The following MACROD2 variants were observed in gnomAD, a reference collection of about 807,000 sequenced individuals.
The protein encoded by MACROD2 is ADP-ribose glycohydrolase MACROD2.
MACROD2 carries 36 observed loss-of-function variants against 70.4 expected under a neutral mutation model. The ratio of observed to expected loss-of-function variants is 0.51; its 90% CI spans 0.39 to 0.68. MACROD2 has a LOEUF of 0.68. Among genes scored for constraint, MACROD2 ranks in the 30% least tolerant of loss-of-function variants. The pLI is 0.00. For synonymous variants in MACROD2, 172 were observed against 178.8 expected (o/e 0.96, Z 0.30); for missense variants, 496 against 538.4 (o/e 0.92, Z 0.78).
chr20:15,335,411 A>G (rs1048861236), intron 6 of MACROD2, among the ~76,000 whole-genome samples: 1 of 151,520 alleles, frequency 6.6e-6, no homozygotes, highest in Non-Finnish European at 1.5e-5. Context: ...TGTTGTAGAA[A>G]GTCTTATTTT....
chr20:15,898,374 A>AC (rs2065006586), intron 10 of MACROD2, among the ~76,000 whole-genome samples: 1 of 151,662 alleles, frequency 6.6e-6, no homozygotes, highest in African/African-American at 2.4e-5. Flanking sequence ...ACATGGTGAA[A>AC]CCCCCGTCTC....
At chr20:16,047,326 A>G (rs547541220) in intron 17 of MACROD2, among the ~76,000 whole-genome samples, 1 of 152,324 alleles carries the variant, frequency 6.6e-6, no homozygotes, top group South Asian at 2.1e-4. Flanking sequence ...GGCGTTGTAT[A>G]ATTTGTAATT....
intron 3 of MACROD2, among the ~76,000 whole-genome samples, chr20:14,363,374 G>A (rs982495346): frequency 6.6e-6 from 1 of 152,092 alleles, no homozygotes; most frequent in African/African-American, 2.4e-5. Context: ...GGTGATATAT[G>A]AACAAAGGCA....
At chr20:15,712,118 G>A (rs2050637616) in intron 8 of MACROD2, among the ~76,000 whole-genome samples, 1 of 152,168 alleles carries the variant, frequency 6.6e-6, no homozygotes, top group Non-Finnish European at 1.5e-5. Flanking sequence ...TGATCCAGCA[G>A]CCAAAATGTT....
intron 8 of MACROD2, among the ~76,000 whole-genome samples, chr20:15,614,718 A>G (rs2049014526): frequency 6.6e-6 from 1 of 152,222 alleles, no homozygotes; most frequent in Non-Finnish European, 1.5e-5. Context: ...AAAGAATTGC[A>G]AAGCTCGAGG....
At chr20:15,373,119 A>G (rs1476491315) in intron 6 of MACROD2, among the ~76,000 whole-genome samples, 1 of 152,122 alleles carries the variant, frequency 6.6e-6, no homozygotes, top group Non-Finnish European at 1.5e-5. Context: ...CCTTCTTTTA[A>G]AAAGGTTAAA....
chr20:13,996,909 C>T (rs1158569590), intron 1 of MACROD2, among the ~76,000 whole-genome samples: 1 of 152,194 alleles, frequency 6.6e-6, no homozygotes, highest in Non-Finnish European at 1.5e-5. Flanking sequence ...GACTAGGTAT[C>T]AAGTTGATTT....
In MACROD2 at chr20:14,836,448, C is replaced by G. The variant is rs898068193; in HGVS notation, c.418+151489C>G. ...GGGAATGGACCTGCTGGTTGTACTTCAAAAGAAGCAAAGGCAAAGGGGTCC... is the reference window on the plus strand; with the variant it reads ...GGGAATGGACCTGCTGGTTGTACTTGAAAAGAAGCAAAGGCAAAGGGGTCC... On this transcript the variant is annotated intron_variant, in intron 5 of 17. Transcript: ENST00000684519. Among the ~76,000 whole-genome samples the G allele has an allele frequency of 2.6e-5, 4 of 151,936 alleles. 1 individual carries two copies. Among genetic ancestry groups the G allele is most frequent in the Non-Finnish European group, 2.9e-5 (2 of 67,978 alleles).
intron 6 of MACROD2, among the ~76,000 whole-genome samples, chr20:15,238,414 A>G (rs1178113604): frequency 6.6e-6 from 1 of 152,092 alleles, no homozygotes; most frequent in African/African-American, 2.4e-5. Flanking sequence ...CCTTTGATTC[A>G]TCATGCAAAT....
chr20:15,884,038 A>G (rs190698325), intron 9 of MACROD2, among the ~76,000 whole-genome samples: 21 of 152,210 alleles, frequency 1.4e-4, no homozygotes, highest in Admixed American at 4.6e-4. Context: ...AGCTCTATGT[A>G]GTAGGCATTA....
chr20:14,665,245 T>G (rs932940346), intron 4 of MACROD2, among the ~76,000 whole-genome samples: 4 of 152,052 alleles, frequency 2.6e-5, no homozygotes, highest in African/African-American at 7.2e-5. Context: ...ATAGAGTAAC[T>G]TATTGAATGG....
chr20:14,649,713 A>T (rs1568719509), intron 4 of MACROD2, among the ~76,000 whole-genome samples: 1 of 152,174 alleles, frequency 6.6e-6, no homozygotes, highest in Admixed American at 6.5e-5. Flanking sequence ...ATATTCAGCT[A>T]TATCTCTGTA....
At position 15,162,242 on chromosome 20, in the gene MACROD2, A is replaced by C. The variant is rs2076353610; in HGVS notation, c.419-67698A>C. ...TTGTTTTTTAAAAAGGACTAGGAGC[A>C]GAAAGAGGAGTGGTAGGAGTGGTAA... On this transcript the variant is annotated intron_variant, in intron 5 of 17. Coordinates refer to ENST00000684519, the MANE Select transcript of MACROD2 (RefSeq NM_001351661.2). 2.0e-5 allele frequency among the ~76,000 whole-genome samples: 3 copies of C among 152,210 alleles called. No individual in the cohort carries two copies. In the South Asian group the frequency reaches 6.2e-4, roughly 32 times the overall value.
chr20:14,481,946 G>A (rs1568632626), intron 3 of MACROD2, among the ~76,000 whole-genome samples: 1 of 152,096 alleles, frequency 6.6e-6, no homozygotes, highest in African/African-American at 2.4e-5. Flanking sequence ...CCATTATTTG[G>A]TTGTTATTTT....
intron 3 of MACROD2, among the ~76,000 whole-genome samples, chr20:14,492,355 C>G (rs4814308): frequency 0.18 from 27,498 of 152,120 alleles, 2,708 homozygotes; most frequent in East Asian, 0.38. Flanking sequence ...AAATTTGACA[C>G]TCTTAATATT....
chr20:15,572,694 T>G (rs1158841946), intron 8 of MACROD2, among the ~76,000 whole-genome samples: 18 of 152,154 alleles, frequency 1.2e-4, no homozygotes, highest in Admixed American at 1.2e-3. Flanking sequence ...TTCGCATGAA[T>G]GCATGAGAAC....
chr20:15,558,592 T>G (rs2048199709), intron 8 of MACROD2, among the ~76,000 whole-genome samples: 1 of 152,238 alleles, frequency 6.6e-6, no homozygotes, highest in African/African-American at 2.4e-5. Flanking sequence ...TTCATATGTT[T>G]CATATGAAAC....
At chr20:14,308,009 C>G (rs923020456) in intron 3 of MACROD2, among the ~76,000 whole-genome samples, 11 of 152,072 alleles carry the variant, frequency 7.2e-5, no homozygotes, top group Admixed American at 3.3e-4. Context: ...ATAGCTGTTC[C>G]AACTATAATG....
chr20:15,808,389 A>G (rs961983387), intron 8 of MACROD2, among the ~76,000 whole-genome samples: 28 of 152,228 alleles, frequency 1.8e-4, no homozygotes, highest in Non-Finnish European at 3.1e-4. Context: ...AATGATGCCC[A>G]TAAACCCATA....
Sources: gnomAD v4.1 joint callset for allele counts (sites outside exome capture counted in the v4.1 genomes callset) on GRCh38, gnomAD v4.1.1 for gene constraint, MANE v1.5 for transcripts, NCBI Gene and HGNC (gene_info 2026-07-23, HGNC 2026-07-21) for gene names.